Variants in SHISA6 observed in about 807,000 individuals in gnomAD.
SHISA6 encodes the protein protein shisa-6.
A neutral mutation model predicts 47.9 loss-of-function variants in SHISA6; 22 were observed. The ratio of observed to expected loss-of-function variants is 0.46; its 90% confidence interval spans 0.33 to 0.66. SHISA6 has a LOEUF of 0.66. Ranked by LOEUF, SHISA6 falls within the 30% of genes least tolerant of loss-of-function variation. The pLI is 0.02. For missense variants in SHISA6, 680 were observed against 764.6 expected (o/e 0.89, Z 1.30); for synonymous variants, 388 against 337.8 (o/e 1.15, Z -1.63).
intron 3 of SHISA6, among the ~76,000 whole-genome samples, chr17:11,508,491 T>G: frequency 7.3e-6 from 1 of 137,390 alleles, no homozygotes; most frequent in Non-Finnish European, 1.6e-5. Flanking sequence ...CCTCTAAAGC[T>G]CAGGAACCAG....
At chr17:11,371,008 T>A (rs1912615974) in intron 2 of SHISA6, among the ~76,000 whole-genome samples, 1 of 152,180 alleles carries the variant, frequency 6.6e-6, no homozygotes, top group African/African-American at 2.4e-5. Flanking sequence ...TGCCAACAGC[T>A]CTTCTAACTC....
In SHISA6 at chr17:11,399,633, G is replaced by C. The variant is rs542409768; in HGVS notation, c.895+20124G>C. Among the ~76,000 whole-genome samples, 6 of 152,248 alleles carry C rather than the reference G, an allele frequency of 3.9e-5. No homozygotes were observed. In the South Asian group the frequency reaches 1.2e-3, roughly 32 times the overall value. ...GACAGGGTTTCACTATGTTACCCAT[G>C]CTGGTCTCGAGCTCCTCACCTCAGG... On this transcript the variant is annotated intron_variant, in intron 3 of 5. Coordinates refer to ENST00000441885, the MANE Select transcript of SHISA6 (RefSeq NM_207386.4).
At chr17:11,362,683 T>G (rs962193940) in intron 2 of SHISA6, among the ~76,000 whole-genome samples, 1 of 152,224 alleles carries the variant, frequency 6.6e-6, no homozygotes, top group African/African-American at 2.4e-5. Context: ...CATATGAAGG[T>G]AATTAATACA....
At chr17:11,525,749 C>T (rs2071674032) in intron 3 of SHISA6, among the ~76,000 whole-genome samples, 1 of 150,576 alleles carries the variant, frequency 6.6e-6, no homozygotes, top group Non-Finnish European at 1.5e-5. Flanking sequence ...GGTCTGGTGG[C>T]TCGCACCTGT....
intron 2 of SHISA6, among the ~76,000 whole-genome samples, chr17:11,277,001 C>T (rs530578797): frequency 6.6e-6 from 1 of 152,196 alleles, no homozygotes. Flanking sequence ...GAGGGGAAGA[C>T]AGGAGTCACA....
At chr17:11,474,025 T>C (rs1915992778) in intron 3 of SHISA6, among the ~76,000 whole-genome samples, 1 of 152,200 alleles carries the variant, frequency 6.6e-6, no homozygotes, top group South Asian at 2.1e-4. Context: ...TTTCTGTTCC[T>C]GTGTTAGTTT....
chr17:11,465,169 C>T (rs931110825), intron 3 of SHISA6, among the ~76,000 whole-genome samples: 4 of 152,182 alleles, frequency 2.6e-5, no homozygotes, highest in South Asian at 4.1e-4. Context: ...GCATTCTCAA[C>T]GTGCAGTGTC....
At chr17:11,403,636 C>T (rs964347209) in intron 3 of SHISA6, among the ~76,000 whole-genome samples, 1 of 152,154 alleles carries the variant, frequency 6.6e-6, no homozygotes. Context: ...CAGGTGCTGG[C>T]GCTTAGCCAG....
chr17:11,294,923 G>A lies in SHISA6; in HGVS notation c.799+31397G>A, dbSNP rs573864393. Among the ~76,000 whole-genome samples, 4 of 152,218 alleles carry A rather than the reference G, an allele frequency of 2.6e-5. No individual in the cohort carries two copies. The South Asian group carries it at 6.2e-4, about 24-fold the overall frequency. ...TTGGCATATCTGACTTGCCAGTATC[G>A]CTACTCTGTGCTTTGGAACCATTAA... is the stretch of plus-strand genomic sequence containing the variant. On this transcript the variant is annotated intron_variant, in intron 2 of 5. Coordinates refer to ENST00000441885, the MANE Select transcript of SHISA6 (RefSeq NM_207386.4).
intron 2 of SHISA6, among the ~76,000 whole-genome samples, chr17:11,375,075 TCTC>T (rs935634474): frequency 2.0e-5 from 3 of 152,106 alleles, no homozygotes; most frequent in African/African-American, 7.2e-5. Flanking sequence ...GCTTGAGTGT[TCTC>T]CTTTATTTTT....
At chr17:11,388,984 C>T (rs1234084451) in intron 3 of SHISA6, among the ~76,000 whole-genome samples, 2 of 151,988 alleles carry the variant, frequency 1.3e-5, no homozygotes, top group Admixed American at 6.6e-5. Context: ...ATACCCACCA[C>T]CCTCCAGAAA....
intron 3 of SHISA6, among the ~76,000 whole-genome samples, chr17:11,490,633 C>T (rs754158396): frequency 7.9e-5 from 12 of 152,182 alleles, no homozygotes; most frequent in Non-Finnish European, 1.3e-4. Flanking sequence ...GTGGTGACTT[C>T]GGATCCATAT....
intron 3 of SHISA6, among the ~76,000 whole-genome samples, chr17:11,491,835 G>A (rs1053443076): frequency 2.7e-5 from 4 of 149,126 alleles, no homozygotes; most frequent in African/African-American, 5.0e-5. Flanking sequence ...GCAATGGTGC[G>A]ATCTCTGCTA....
intron 2 of SHISA6, among the ~76,000 whole-genome samples, chr17:11,309,014 G>T (rs1472510580): frequency 2.6e-5 from 4 of 152,138 alleles, no homozygotes; most frequent in Non-Finnish European, 5.9e-5. Flanking sequence ...ACCCAGGCTG[G>T]AATGCAGTGG....
intron 1 of SHISA6, among the ~76,000 whole-genome samples, chr17:11,248,751 T>C (rs1005012164): frequency 6.6e-6 from 1 of 152,140 alleles, no homozygotes; most frequent in Non-Finnish European, 1.5e-5. Flanking sequence ...GTCTGAGTAA[T>C]GCGGACTATT....
intron 3 of SHISA6, among the ~76,000 whole-genome samples, chr17:11,429,928 C>T (rs536786476): frequency 6.0e-5 from 9 of 150,348 alleles, no homozygotes; most frequent in African/African-American, 2.2e-4. Flanking sequence ...GTGATTATTA[C>T]ATCATGGCCA....
intron 2 of SHISA6, among the ~76,000 whole-genome samples, chr17:11,362,250 C>T (rs921876109): frequency 1.3e-5 from 2 of 152,098 alleles, no homozygotes; most frequent in Admixed American, 1.3e-4. Context: ...AGCAATCCTC[C>T]TGCCCAAGCC....
chr17:11,281,573 T>C (rs2142161210), intron 2 of SHISA6, among the ~76,000 whole-genome samples: 1 of 152,326 alleles, frequency 6.6e-6, no homozygotes, highest in Admixed American at 6.5e-5. Context: ...TTAAGAACTT[T>C]TTGTGTCTAT....
At chr17:11,424,812 G>A (rs1263182373) in intron 3 of SHISA6, among the ~76,000 whole-genome samples, 1 of 151,886 alleles carries the variant, frequency 6.6e-6, no homozygotes, top group African/African-American at 2.4e-5. Flanking sequence ...AACTAGCCTG[G>A]CTAACATGGT....
Sources: gnomAD v4.1 joint callset for allele counts (sites outside exome capture counted in the v4.1 genomes callset) on GRCh38, gnomAD v4.1.1 for gene constraint, MANE v1.5 for transcripts, NCBI Gene and HGNC (gene_info 2026-07-23, HGNC 2026-07-21) for gene names.